The following GSG1L variants were observed in gnomAD, a reference collection of about 807,000 sequenced individuals.
GSG1L encodes germ cell-specific gene 1-like protein.
GSG1L carries 24 observed loss-of-function variants against 42.1 expected under a neutral mutation model. The ratio of observed to expected loss-of-function variants is 0.57; its 90% confidence interval spans 0.41 to 0.80. GSG1L has a LOEUF of 0.80. GSG1L is among the 30% of genes least tolerant of loss of function. GSG1L has a pLI of 0.00. For synonymous variants in GSG1L, 215 were observed against 203.5 expected, an observed-to-expected ratio of 1.06 and a Z score of -0.48; for missense variants, 445 against 472.2, an observed-to-expected ratio of 0.94 and a Z score of 0.53.
At chr16:27,902,937 G>A (rs2084278528) in intron 2 of GSG1L, among the ~76,000 whole-genome samples, 1 of 152,080 alleles carries the variant, frequency 6.6e-6, no homozygotes, top group African/African-American at 2.4e-5. Flanking sequence ...CAGCTGGGAG[G>A]TGGCAGTGGA....
chr16:27,807,568 A>G lies in GSG1L; in HGVS notation c.831-14T>C. 2 of 1,605,950 alleles carry G rather than the reference A, an allele frequency of 1.2e-6. No individual in the cohort carries two copies. Among genetic ancestry groups the G allele is most frequent in the Admixed American group, 3.4e-5 (2 of 59,650 alleles). On this transcript the variant is annotated splice_polypyrimidine_tract_variant and intron_variant, in intron 5 of 6. Coordinates refer to ENST00000447459, the MANE Select transcript of GSG1L (RefSeq NM_001109763.2). ...CTCTTCTCCATCCTGGAAAGAAAAAAAAACAAAAACAAAATCCTAGGTAGG... is the reference window on the plus strand; with the variant it reads ...CTCTTCTCCATCCTGGAAAGAAAAAGAAACAAAAACAAAATCCTAGGTAGG...
At chr16:28,056,627 T>C (rs1367374142) in intron 1 of GSG1L, among the ~76,000 whole-genome samples, 2 of 151,482 alleles carry the variant, frequency 1.3e-5, no homozygotes, top group African/African-American at 2.4e-5. Flanking sequence ...ATAAAAAATA[T>C]ATATTAAAAA....
intron 4 of GSG1L, among the ~76,000 whole-genome samples, chr16:27,842,857 G>C (rs2083402071): frequency 6.6e-6 from 1 of 151,964 alleles, no homozygotes; most frequent in Non-Finnish European, 1.5e-5. Context: ...CCAGGTCCTT[G>C]GACCTGCTGT....
At chr16:27,849,197 C>CCCCCCAA (rs749482143) in intron 3 of GSG1L, among the ~76,000 whole-genome samples, 1 of 113,628 alleles carries the variant, frequency 8.8e-6, no homozygotes. Flanking sequence ...GCCTCTATCC[C>CCCCCCAA]AAAAAGAAAA....
intron 1 of GSG1L, among the ~76,000 whole-genome samples, chr16:27,979,030 G>A (rs7206395): frequency 0.22 from 34,054 of 152,096 alleles, 4,154 homozygotes; most frequent in South Asian, 0.38. Context: ...GCCACAGGAC[G>A]TGAGTTCAAA....
intron 5 of GSG1L, among the ~76,000 whole-genome samples, chr16:27,820,773 A>AAG (rs139901593): frequency 0.024 from 3,697 of 152,190 alleles, 140 homozygotes; most frequent in African/African-American, 0.083. Flanking sequence ...TCTCTCTTAG[A>AAG]AGATAAATGC....
chr16:28,045,549 T>C (rs1286405361), intron 1 of GSG1L, among the ~76,000 whole-genome samples: 2 of 151,674 alleles, frequency 1.3e-5, no homozygotes, highest in African/African-American at 4.8e-5. Flanking sequence ...GTGGTGCGCT[T>C]CTGTAGTCTC....
At chr16:27,858,272 G>A (rs541804382) in intron 3 of GSG1L, among the ~76,000 whole-genome samples, 3 of 152,142 alleles carry the variant, frequency 2.0e-5, no homozygotes, top group East Asian at 1.9e-4. Flanking sequence ...TCTTTACCCC[G>A]GGCACTTTAC....
intron 6 of GSG1L, among the ~76,000 whole-genome samples, chr16:27,794,578 G>A (rs1644601): frequency 0.21 from 32,515 of 152,074 alleles, 3,906 homozygotes; most frequent in Admixed American, 0.32. Flanking sequence ...TGATCCACCC[G>A]CCTCGGCCTC....
chr16:27,895,296 G>T (rs1356101054), intron 2 of GSG1L, among the ~76,000 whole-genome samples: 1 of 152,196 alleles, frequency 6.6e-6, no homozygotes, highest in African/African-American at 2.4e-5. Flanking sequence ...TGGCTGTGGG[G>T]CTGAGCTGGG....
In GSG1L at chr16:27,816,645, C is replaced by T. The variant is rs557202009; in HGVS notation, c.831-9091G>A. On this transcript the variant is annotated intron_variant, in intron 5 of 6. Transcript: ENST00000447459. ...TTTGTGAACTGCCATGGGGTAAAAC[C>T]GTGGCTGAACTGAAGGGACCTCTAT... Among the ~76,000 whole-genome samples, 13 of 152,310 alleles carry T rather than the reference C, an allele frequency of 8.5e-5. No individual in the cohort carries two copies. In the East Asian group the frequency reaches 1.7e-3, roughly 20 times the overall value.
chr16:27,795,228 G>A (rs916344861), intron 6 of GSG1L, among the ~76,000 whole-genome samples: 1 of 151,980 alleles, frequency 6.6e-6, no homozygotes, highest in African/African-American at 2.4e-5. Context: ...GAAGGGGAGA[G>A]AGTGATTCCT....
At chr16:28,041,021 C>A (rs1425034507) in intron 1 of GSG1L, among the ~76,000 whole-genome samples, 1 of 152,184 alleles carries the variant, frequency 6.6e-6, no homozygotes, top group Non-Finnish European at 1.5e-5. Flanking sequence ...ATGTCCATTT[C>A]ATTGATGGGT....
intron 1 of GSG1L, among the ~76,000 whole-genome samples, chr16:27,972,898 AGTGATGGCTCAT>A (rs1303606977): frequency 2.0e-5 from 3 of 152,230 alleles, no homozygotes; most frequent in African/African-American, 7.2e-5. Flanking sequence ...GAGTCATTTT[AGTGATGGCTCAT>A]GTGATGGCAC....
intron 1 of GSG1L, among the ~76,000 whole-genome samples, chr16:28,036,014 G>A (rs1249019187): frequency 1.3e-5 from 2 of 152,104 alleles, no homozygotes; most frequent in East Asian, 1.9e-4. Context: ...AGGCAGGAGT[G>A]GGTGGTTTAG....
chr16:27,958,172 G>A (rs1596653323), intron 2 of GSG1L, among the ~76,000 whole-genome samples: 1 of 152,036 alleles, frequency 6.6e-6, no homozygotes, highest in Non-Finnish European at 1.5e-5. Flanking sequence ...GGGAGGCTGA[G>A]GTGGGCAGGC....
chr16:27,794,334 CTT>C (rs111671722), intron 6 of GSG1L, among the ~76,000 whole-genome samples: 8 of 142,408 alleles, frequency 5.6e-5, no homozygotes, highest in African/African-American at 5.1e-5. Context: ...TCAAAACTTT[CTT>C]TTTTTTTTTT....
chr16:27,963,424 C>T lies in GSG1L; in HGVS notation c.350-221G>A, dbSNP rs77142011. Among the ~76,000 whole-genome samples, 593 of 152,190 alleles carry T rather than the reference C, an allele frequency of 3.9e-3. 4 individuals are homozygous for T. The highest frequency in any genetic ancestry group is 0.014 in the African/African-American group (565 of 41,520). The stretch of plus-strand genomic sequence containing the variant: ...CCTGACCCCATCCATCCTGGCCCAT[C>T]GCTTCCACCTCCACGATAGCAACCT... On this transcript the variant is annotated intron_variant, in intron 1 of 6. Transcript: ENST00000447459.
intron 4 of GSG1L, among the ~76,000 whole-genome samples, chr16:27,840,451 C>T (rs2083367812): frequency 6.6e-6 from 1 of 152,106 alleles, no homozygotes; most frequent in Non-Finnish European, 1.5e-5. Context: ...GCTGCTTGGG[C>T]GCCCATCAGG....
Sources: gnomAD v4.1 joint callset for allele counts (sites outside exome capture counted in the v4.1 genomes callset) on GRCh38, gnomAD v4.1.1 for gene constraint, MANE v1.5 for transcripts, NCBI Gene and HGNC (gene_info 2026-07-23, HGNC 2026-07-21) for gene names.